The following SLA variants were observed in gnomAD, a reference collection of about 807,000 sequenced individuals.
The protein encoded by SLA is Src like adaptor.
In SLA, 16 loss-of-function variants were observed where a neutral mutation model predicts 30.3. The observed-to-expected ratio is 0.53, with a 90% CI of 0.36 to 0.80. The LOEUF is 0.80. Among genes scored for constraint, SLA ranks in the 30% least tolerant of loss-of-function variants. SLA has a pLI of 0.01. For missense variants in SLA, 310 were observed against 345.2 expected (o/e 0.90, Z 0.81); for synonymous variants, 143 against 137.8 (o/e 1.04, Z -0.26).
intron 3 of SLA, among the ~76,000 whole-genome samples, chr8:133,055,285 T>C (rs2741198): frequency 6.6e-6 from 1 of 151,740 alleles, no homozygotes; most frequent in Non-Finnish European, 1.5e-5. Context: ...CCTGGAGTCA[T>C]GGCTAAACTC....
At chr8:133,082,510 C>T (rs950945332) in intron 1 of SLA, among the ~76,000 whole-genome samples, 1 of 152,210 alleles carries the variant, frequency 6.6e-6, no homozygotes, top group Admixed American at 6.5e-5. Flanking sequence ...ATGGAATTAT[C>T]CTGATAATCG....
At chr8:133,041,784 GTTTTTTT>G (rs529937626) in intron 7 of SLA, among the ~76,000 whole-genome samples, 1 of 124,422 alleles carries the variant, frequency 8.0e-6, no homozygotes, top group Admixed American at 8.1e-5. Context: ...CTTGTGGTCA[GTTTTTTT>G]TTTTTTTTTT....
chr8:133,042,709 T>TTTTTG (rs1554706931), intron 7 of SLA, among the ~76,000 whole-genome samples: 4 of 138,682 alleles, frequency 2.9e-5, no homozygotes, highest in African/African-American at 1.1e-4. Flanking sequence ...TTTTTTTTTT[T>TTTTTG]GTGAGATGGA....
intron 2 of SLA, among the ~76,000 whole-genome samples, chr8:133,063,051 G>A (rs1426400737): frequency 6.6e-6 from 1 of 152,168 alleles, no homozygotes; most frequent in Non-Finnish European, 1.5e-5. Flanking sequence ...TGGGCTTCTG[G>A]GGAAAGTTCT....
At chr8:133,090,300 C>T (rs751422807) in intron 1 of SLA, among the ~76,000 whole-genome samples, 13 of 152,294 alleles carry the variant, frequency 8.5e-5, no homozygotes, top group South Asian at 4.1e-4. Flanking sequence ...CAGAGAGAAG[C>T]CCTGGGTTTG....
intron 2 of SLA, among the ~76,000 whole-genome samples, chr8:133,061,548 G>A (rs2131339043): frequency 6.6e-6 from 1 of 152,310 alleles, no homozygotes. Context: ...TTTTAGGGAA[G>A]CCACGTTCCC....
chr8:133,058,524 G>A lies in SLA; in HGVS notation c.61+1576C>T, dbSNP rs1841872658. Among the ~76,000 whole-genome samples the A allele has an allele frequency of 2.6e-5, 4 of 152,250 alleles. No homozygotes were observed. The South Asian group carries it at 8.3e-4, about 31-fold the overall frequency. The stretch of plus-strand genomic sequence containing the variant: ...TGCTGCCCCCTCTGCCCCAGGCTGA[G>A]AGGTGACGACCCAAGATGGGTTCGG... On this transcript the variant is annotated intron_variant, in intron 3 of 8. Coordinates refer to ENST00000338087, the MANE Select transcript of SLA (RefSeq NM_001045556.3).
chr8:133,077,443 C>T (rs571641606), intron 1 of SLA, among the ~76,000 whole-genome samples: 10 of 152,236 alleles, frequency 6.6e-5, no homozygotes, highest in East Asian at 1.9e-4. Flanking sequence ...ACCCCCAGCC[C>T]GGGGTGTTTA....
intron 3 of SLA, among the ~76,000 whole-genome samples, chr8:133,056,898 G>A (rs1210329061): frequency 6.6e-6 from 1 of 152,180 alleles, no homozygotes; most frequent in Non-Finnish European, 1.5e-5. Flanking sequence ...GGAACTCCTA[G>A]GAAATTCAGC....
intron 7 of SLA, among the ~76,000 whole-genome samples, chr8:133,042,708 T>G (rs1838525574): frequency 7.5e-6 from 1 of 133,822 alleles, no homozygotes; most frequent in Non-Finnish European, 1.6e-5. Context: ...TTTTTTTTTT[T>G]TGTGAGATGG....
chr8:133,039,860 C>A (rs879475498), intron 8 of SLA, 138 bp downstream of exon 8: 2 of 1,430,456 alleles, frequency 1.4e-6, no homozygotes, highest in Non-Finnish European at 1.9e-6. Flanking sequence ...GCTCACCCCC[C>A]AGTTTCAGCA....
At chr8:133,099,190 G>A (rs1053097317) in intron 1 of SLA, among the ~76,000 whole-genome samples, 12 of 152,344 alleles carry the variant, frequency 7.9e-5, no homozygotes, top group Non-Finnish European at 1.6e-4. Flanking sequence ...CAGAGCAGCT[G>A]CTAGCCCTGC....
intron 1 of SLA, among the ~76,000 whole-genome samples, chr8:133,077,544 C>T (rs2703007): frequency 0.03 from 4,634 of 152,258 alleles, 230 homozygotes; most frequent in African/African-American, 0.098. Context: ...TATCCCAAAG[C>T]CTGGGCTGTG....
intron 1 of SLA, among the ~76,000 whole-genome samples, chr8:133,100,474 G>A (rs6997874): frequency 0.28 from 42,625 of 152,116 alleles, 6,714 homozygotes; most frequent in African/African-American, 0.4. Context: ...GCACACAATA[G>A]ACATTCACTA....
At chr8:133,096,301 A>G (rs778391676) in intron 1 of SLA, 2 of 1,614,128 alleles carry the variant, frequency 1.2e-6, no homozygotes, top group South Asian at 2.2e-5. Context: ...AGAGGTCTTT[A>G]TGGGTAGAGG....
At chr8:133,045,245 C>T (rs573540061) in intron 6 of SLA, 130 bp from the exon 7 acceptor site, 5 of 841,184 alleles carry the variant, frequency 5.9e-6, no homozygotes, top group South Asian at 1.6e-5. Context: ...TGCTAGGATG[C>T]AGCCCCTCCC....
rs968169793 is a variant in SLA at position 133,037,903 on chromosome 8, C to G, written c.*621G>C. On this transcript the variant is annotated 3_prime_UTR_variant, in exon 9 of 9. Transcript: ENST00000338087. ...AACCAGGGAGGCCAACTGACTTCCA[C>G]CCATATGGCTTTGGTGCAGGAGCAG... 1.3e-5 allele frequency: 2 copies of G among 152,440 alleles called. No individual in the cohort carries two copies. Among genetic ancestry groups the G allele is most frequent in the African/African-American group, 4.8e-5 (2 of 41,436 alleles). 9.4% of individuals were successfully genotyped at this position (152,440 alleles called of 1,614,324 possible). A position where few individuals can be genotyped will look rare whatever the true frequency, so the allele number is the denominator to read the frequency against.
chr8:133,051,065 TC>T, intron 3 of SLA, 150 bp from the exon 4 acceptor site: 2 of 618,010 alleles, frequency 3.2e-6, no homozygotes, highest in South Asian at 3.8e-5. Flanking sequence ...AGCAAGGTCC[TC>T]TCTTCAGAGA....
intron 2 of SLA, among the ~76,000 whole-genome samples, chr8:133,061,016 GTT>G (rs1842294384): frequency 6.6e-6 from 1 of 152,168 alleles, no homozygotes; most frequent in Non-Finnish European, 1.5e-5. Flanking sequence ...AACCTTTTCT[GTT>G]TTTGTTTTTT....
Sources: gnomAD v4.1 joint callset for allele counts (sites outside exome capture counted in the v4.1 genomes callset) on GRCh38, gnomAD v4.1.1 for gene constraint, MANE v1.5 for transcripts, NCBI Gene and HGNC (gene_info 2026-07-23, HGNC 2026-07-21) for gene names.